TLK1: variants seen among roughly 807,000 people sequenced by gnomAD.
TLK1 encodes serine/threonine-protein kinase tousled-like 1.
Under a neutral mutation model 105.3 loss-of-function variants are expected in TLK1, and 24 were observed. The ratio of observed to expected loss-of-function variants is 0.23; its 90% confidence interval spans 0.17 to 0.32. The LOEUF is 0.32. TLK1 is among the 10% of genes least tolerant of loss of function. The pLI is 1.00. For synonymous variants in TLK1, 321 were observed against 310.4 expected, an observed-to-expected ratio of 1.03 and a Z score of -0.36; for missense variants, 558 against 910.5, an observed-to-expected ratio of 0.61 and a Z score of 4.98.
chr2:171,067,213 G>C (rs1295675972), intron 3 of TLK1, among the ~76,000 whole-genome samples: 1 of 148,100 alleles, frequency 6.8e-6, no homozygotes, highest in Admixed American at 6.8e-5. Context: ...AGGCTGGAGT[G>C]CAGTGACACG....
chr2:171,067,065 T>C (rs773175401), intron 3 of TLK1: 25 of 1,306,454 alleles, frequency 1.9e-5, no homozygotes, highest in Non-Finnish European at 2.6e-5. Flanking sequence ...CCTACAAACA[T>C]TCCTTTGAAC....
chr2:171,091,715 T>TTGTTGTTG (rs1689240505), intron 2 of TLK1: 1 of 148,260 alleles, frequency 6.7e-6, no homozygotes, highest in South Asian at 2.2e-4. Flanking sequence ...GGGGGGTGTC[T>TTGTTGTTG]TTGTTGTTGT....
chr2:171,034,689 T>A (rs1686233843), intron 11 of TLK1, among the ~76,000 whole-genome samples: 1 of 152,282 alleles, frequency 6.6e-6, no homozygotes, highest in South Asian at 2.1e-4. Flanking sequence ...GTGAATGGAC[T>A]AAAAGCCACT....
chr2:171,081,592 T>A (rs906869277), intron 3 of TLK1: 43 of 1,241,340 alleles, frequency 3.5e-5, no homozygotes, highest in South Asian at 1.3e-5. Context: ...GTTAATTTTT[T>A]AAAAACTAAA....
At chr2:171,007,188 A>T in intron 14 of TLK1, 125 bp from the exon 15 acceptor site, 1 of 669,094 alleles carries the variant, frequency 1.5e-6, no homozygotes, top group Non-Finnish European at 2.5e-6. Context: ...ATTATTAATG[A>T]TCTTCTCTGC....
At chr2:171,031,237 T>C (rs1021488242) in intron 11 of TLK1, among the ~76,000 whole-genome samples, 6 of 152,154 alleles carry the variant, frequency 3.9e-5, no homozygotes, top group African/African-American at 1.4e-4. Flanking sequence ...CCTGACACAT[T>C]GTAGCTTCTT....
rs190188317 is a variant in TLK1 at position 171,037,121 on chromosome 2, A to C, written c.1170-8716T>G. On this transcript the variant is annotated intron_variant, in intron 11 of 20. Coordinates refer to ENST00000431350, the MANE Select transcript of TLK1 (RefSeq NM_012290.5). ...TAAATTAAAAAGAAGCAACAGCAGGAGGCCAGGAAGAAGAAATAGGGTATT... is the reference window on the plus strand; with the variant it reads ...TAAATTAAAAAGAAGCAACAGCAGGCGGCCAGGAAGAAGAAATAGGGTATT... Among the ~76,000 whole-genome samples the C allele has an allele frequency of 3.3e-5, 5 of 152,250 alleles. No individual in the cohort carries two copies. In the East Asian group the frequency reaches 9.6e-4, roughly 29 times the overall value.
intron 1 of TLK1, among the ~76,000 whole-genome samples, chr2:171,199,206 C>T (rs75574986): frequency 0.013 from 1,924 of 152,262 alleles, 33 homozygotes; most frequent in African/African-American, 0.041. Flanking sequence ...CAAGGTCATT[C>T]TGAACTCAAA....
chr2:171,019,618 G>A (rs958077042), intron 12 of TLK1, among the ~76,000 whole-genome samples: 7 of 151,996 alleles, frequency 4.6e-5, no homozygotes, highest in Non-Finnish European at 7.4e-5. Flanking sequence ...GAACTGCCTC[G>A]CATAAAGCCA....
At chr2:171,186,517 G>C (rs1355046325) in intron 1 of TLK1, among the ~76,000 whole-genome samples, 1 of 152,164 alleles carries the variant, frequency 6.6e-6, no homozygotes, top group African/African-American at 2.4e-5. Flanking sequence ...ATCTGACCAA[G>C]AATTATCCTG....
At chr2:171,131,590 T>C (rs1691109381) in intron 1 of TLK1, among the ~76,000 whole-genome samples, 1 of 152,214 alleles carries the variant, frequency 6.6e-6, no homozygotes, top group Non-Finnish European at 1.5e-5. Flanking sequence ...TTCATATTTC[T>C]TCATATTTCT....
At chr2:171,186,015 T>C (rs989851929) in intron 1 of TLK1, among the ~76,000 whole-genome samples, 5 of 152,222 alleles carry the variant, frequency 3.3e-5, no homozygotes, top group Admixed American at 1.3e-4. Context: ...CTAAAAATAA[T>C]ATTGTCCAGC....
intron 1 of TLK1, among the ~76,000 whole-genome samples, chr2:171,166,312 T>C (rs1692608619): frequency 6.6e-6 from 1 of 152,366 alleles, no homozygotes; most frequent in South Asian, 2.1e-4. Context: ...ATCTAGCACC[T>C]GCCTGGCATA....
At chr2:171,226,314 C>T (rs1693895420) in intron 1 of TLK1, among the ~76,000 whole-genome samples, 3 of 152,066 alleles carry the variant, frequency 2.0e-5, no homozygotes, top group Admixed American at 2.0e-4. Context: ...ATCTTGTTTG[C>T]CTTCACATAA....
intron 2 of TLK1, 121 bp from the exon 3 acceptor site, chr2:171,082,973 T>A (rs534318135): frequency 5.8e-6 from 4 of 684,564 alleles, no homozygotes; most frequent in Non-Finnish European, 9.7e-6. Flanking sequence ...AAAGTATAAT[T>A]CCTTAAAACA....
upstream of TLK1, among the ~76,000 whole-genome samples, chr2:171,161,356 C>G (rs1372159568): frequency 6.6e-6 from 1 of 152,168 alleles, no homozygotes; most frequent in Non-Finnish European, 1.5e-5. Context: ...GATCGTTTCT[C>G]AAAATGGAAC....
intron 12 of TLK1, among the ~76,000 whole-genome samples, chr2:171,027,494 G>T (rs889406915): frequency 6.6e-6 from 1 of 152,118 alleles, no homozygotes; most frequent in African/African-American, 2.4e-5. Flanking sequence ...AAAAGTTTAC[G>T]ACAATAACAC....
In TLK1 at chr2:171,040,281, T is replaced by C. The variant is rs930935758; in HGVS notation, c.1169+5893A>G. 1.2e-4 allele frequency among the ~76,000 whole-genome samples: 18 copies of C among 152,196 alleles called. 1 individual carries two copies. Among genetic ancestry groups the C allele is most frequent in the Admixed American group, 4.6e-4 (7 of 15,276 alleles). On this transcript the variant is annotated intron_variant, in intron 11 of 20. Transcript: ENST00000431350. ...GATTTTAGAAAAATCAGTTATACAT[T>C]TGTCAAAACCCATAGAATGTACAAC...
chr2:171,102,206 G>A (rs1457281734), intron 2 of TLK1, among the ~76,000 whole-genome samples: 1 of 151,894 alleles, frequency 6.6e-6, no homozygotes, highest in East Asian at 1.9e-4. Flanking sequence ...AGGTGAGTAC[G>A]TACCAGATTC....
Sources: gnomAD v4.1 joint callset for allele counts (sites outside exome capture counted in the v4.1 genomes callset) on GRCh38, gnomAD v4.1.1 for gene constraint, MANE v1.5 for transcripts, NCBI Gene and HGNC (gene_info 2026-07-23, HGNC 2026-07-21) for gene names.